The following TESMIN variants were observed in gnomAD, a reference collection of about 807,000 sequenced individuals.
TESMIN encodes the protein CXC domain containing 2.
TESMIN carries 34 observed loss-of-function variants against 47.4 expected under a neutral mutation model. That is an observed-to-expected ratio of 0.72 (90% CI 0.55 to 0.96). The LOEUF (loss-of-function observed/expected upper bound fraction) is 0.96, where lower values mean the gene tolerates loss of function less well. Ranked by LOEUF, TESMIN falls within the 40% of genes least tolerant of loss-of-function variation. The pLI is 0.00. For missense variants in TESMIN, 610 were observed against 637.2 expected, an observed-to-expected ratio of 0.96 and a Z score of 0.46; for synonymous variants, 278 against 258.9, an observed-to-expected ratio of 1.07 and a Z score of -0.71.
intron 7 of TESMIN, 135 bp from the exon 8 acceptor site, chr11:68,713,542 G>A (rs1946098445): frequency 1.1e-6 from 1 of 909,936 alleles, no homozygotes. Flanking sequence ...GGTTCAGAAG[G>A]TGCAGCCCCT....
At chr11:68,719,733 G>C (rs1946182946) in intron 6 of TESMIN, among the ~76,000 whole-genome samples, 2 of 152,180 alleles carry the variant, frequency 1.3e-5, no homozygotes, top group African/African-American at 4.8e-5. Context: ...AATAAACTGA[G>C]AGTAAGACAG....
intron 8 of TESMIN, among the ~76,000 whole-genome samples, chr11:68,711,969 C>CT (rs1946078484): frequency 6.6e-6 from 1 of 152,256 alleles, no homozygotes; most frequent in Non-Finnish European, 1.5e-5. Flanking sequence ...TTGGCTTTCT[C>CT]TTTCCTTCAG....
intron 6 of TESMIN, among the ~76,000 whole-genome samples, chr11:68,717,254 C>T (rs1946150669): frequency 6.6e-6 from 1 of 152,152 alleles, no homozygotes; most frequent in Non-Finnish European, 1.5e-5. Context: ...ATTGTGAACC[C>T]AGAGAGGCGA....
At chr11:68,721,667 G>C (rs1320766852) in intron 6 of TESMIN, among the ~76,000 whole-genome samples, 1 of 152,174 alleles carries the variant, frequency 6.6e-6, no homozygotes, top group Non-Finnish European at 1.5e-5. Flanking sequence ...TGCATATGTT[G>C]GAAAAGTCTC....
Position 68,710,961 on chromosome 11 carries a change from G to C in TESMIN, c.1247C>G (p.Pro416Arg). 1 of 1,613,926 alleles carries C rather than the reference G, an allele frequency of 6.2e-7. No individual in the cohort carries two copies. Among genetic ancestry groups the C allele is most frequent in the Non-Finnish European group, 8.5e-7 (1 of 1,179,882 alleles). ...CAAACCTCCAGTCTGCATGTAGTTTGGCATGCTCATTAGTGTCTTTCGTTC... is the reference window on the plus strand; with the variant it reads ...CAAACCTCCAGTCTGCATGTAGTTTCGCATGCTCATTAGTGTCTTTCGTTC... ...SPERKTLMSM[P>R]NYMQTGGLEG... Residue 416 changes from proline (P) to arginine (R), a missense_variant, in exon 9 of 10, where the codon CCA (proline) becomes CGA (arginine). Transcript: ENST00000255087.
chr11:68,750,213 G>C lies in TESMIN; in HGVS notation c.448C>G (p.His150Asp). Residue 150 changes from histidine to aspartate, a missense_variant, in exon 2 of 10, where the codon CAC (histidine) becomes GAC (aspartate). Physicochemically the swap from His to Asp is moderately conservative, Grantham distance 81. Coordinates refer to ENST00000255087, the MANE Select transcript of TESMIN (RefSeq NM_004923.3). ...ACTGGGATCATGCGGACGCCCGGGT[G>C]GGAGGCTCCTTCCAGGACCCAGGCG... ...LGAWVLEGAS[H>D]PGVRMIPVEI... 1.3e-6 allele frequency: 2 copies of C among 1,498,872 alleles called. No individual in the cohort carries two copies. The highest frequency in any genetic ancestry group is 1.8e-6 in the Non-Finnish European group (2 of 1,136,160). 92.8% of individuals were successfully genotyped at this position (1,498,872 alleles called of 1,614,324 possible). A position where few individuals can be genotyped will look rare whatever the true frequency, so the allele number is the denominator to read the frequency against.
Position 68,709,307 on chromosome 11 carries a change from A to T in TESMIN, c.1335-807T>A, listed in dbSNP as rs559931170. Among the ~76,000 whole-genome samples, 27 of 152,318 alleles carry T rather than the reference A, an allele frequency of 1.8e-4. No homozygotes were observed. In the South Asian group the frequency reaches 5.2e-3, roughly 29 times the overall value. ...TGAGGCAGGGCACGGGGACAAGCCG[A>T]GCAGCTTTGCTCTGAGTCCTGTCCA... On this transcript the variant is annotated intron_variant, in intron 9 of 9. Transcript: ENST00000255087.
intron 6 of TESMIN, among the ~76,000 whole-genome samples, chr11:68,734,118 GT>G (rs1946360498): frequency 6.6e-6 from 1 of 152,168 alleles, no homozygotes; most frequent in Non-Finnish European, 1.5e-5. Flanking sequence ...ATGAAGCGTC[GT>G]TCATCTTCAG....
intron 2 of TESMIN, 62 bp from the exon 3 acceptor site, chr11:68,747,428 T>C: frequency 6.9e-7 from 1 of 1,439,848 alleles, no homozygotes; most frequent in Non-Finnish European, 9.7e-7. Flanking sequence ...TGCAGTTGCA[T>C]AATTTAGAAA....
intron 2 of TESMIN, among the ~76,000 whole-genome samples, chr11:68,749,263 C>T (rs919208174): frequency 3.3e-5 from 5 of 152,228 alleles, no homozygotes; most frequent in Non-Finnish European, 7.3e-5. Flanking sequence ...TCTGCCCATC[C>T]TTTTCCTGTA....
chr11:68,728,853 C>T (rs1566318803), intron 6 of TESMIN, among the ~76,000 whole-genome samples: 1 of 152,194 alleles, frequency 6.6e-6, no homozygotes, highest in Non-Finnish European at 1.5e-5. Flanking sequence ...GCATGATTTA[C>T]TGAATATTTT....
At chr11:68,742,427 C>A (rs1325774135) in intron 4 of TESMIN, 33 bp from the exon 5 acceptor site, 1 of 1,391,956 alleles carries the variant, frequency 7.2e-7, no homozygotes, top group Non-Finnish European at 1.0e-6. Flanking sequence ...TTAATTGTAG[C>A]ATCTATCGTT....
At chr11:68,713,798 T>G in intron 7 of TESMIN, among the ~76,000 whole-genome samples, 1 of 152,278 alleles carries the variant, frequency 6.6e-6, no homozygotes, top group South Asian at 2.1e-4. Context: ...TGATCACAAC[T>G]CAACACACCA....
At chr11:68,736,325 C>G (rs1011335957) in intron 6 of TESMIN, 21 of 985,326 alleles carry the variant, frequency 2.1e-5, no homozygotes, top group Non-Finnish European at 2.3e-5. Context: ...AGTTCACCCC[C>G]CAACCCTAAC....
Position 68,709,760 on chromosome 11 carries a change from T to C in TESMIN, c.1334+1114A>G, listed in dbSNP as rs750445600. Among the ~76,000 whole-genome samples, 3 of 151,972 alleles carry C rather than the reference T, an allele frequency of 2.0e-5. No individual in the cohort carries two copies. The South Asian group carries it at 6.2e-4, about 32-fold the overall frequency. On this transcript the variant is annotated intron_variant, in intron 9 of 9. Transcript: ENST00000255087. Reference sequence around the variant, plus strand: ...CTAACACTGCAAGACGAGGCTCCAATGTACAGGCCCCCACCGGACTCCACA... The same window carrying C: ...CTAACACTGCAAGACGAGGCTCCAACGTACAGGCCCCCACCGGACTCCACA...
At chr11:68,739,510 T>C (rs1206764596) in intron 5 of TESMIN, among the ~76,000 whole-genome samples, 3 of 152,214 alleles carry the variant, frequency 2.0e-5, no homozygotes, top group Non-Finnish European at 4.4e-5. Context: ...CCTTCCTCTG[T>C]CCAAAAATGG....
chr11:68,747,377 G>A lies in TESMIN; in HGVS notation c.472-11C>T. On this transcript the variant is annotated splice_polypyrimidine_tract_variant and intron_variant, in intron 2 of 9. Transcript: ENST00000255087. The stretch of plus-strand genomic sequence containing the variant: ...TTCCTTGATTTCAACCTAGAAAAAA[G>A]CAATAATTATTTTAGAGAACACATG... The A allele has an allele frequency of 1.2e-6, 2 of 1,607,476 alleles. No individual in the cohort carries two copies. Among genetic ancestry groups the A allele is most frequent in the Non-Finnish European group, 1.7e-6 (2 of 1,174,180 alleles).
At chr11:68,739,770 C>T (rs577963242) in intron 5 of TESMIN, among the ~76,000 whole-genome samples, 1 of 152,264 alleles carries the variant, frequency 6.6e-6, no homozygotes, top group Admixed American at 6.5e-5. Context: ...TGCTCGTGCA[C>T]AGAAGGGAGT....
chr11:68,714,683 C>T (rs1566312823), intron 7 of TESMIN, among the ~76,000 whole-genome samples: 1 of 152,206 alleles, frequency 6.6e-6, no homozygotes, highest in African/African-American at 2.4e-5. Context: ...TGGGCTGTTT[C>T]CAGTGCCTGG....
Sources: gnomAD v4.1 joint callset for allele counts (sites outside exome capture counted in the v4.1 genomes callset) on GRCh38, gnomAD v4.1.1 for gene constraint, MANE v1.5 for transcripts, NCBI Gene and HGNC (gene_info 2026-07-23, HGNC 2026-07-21) for gene names.